The following RECK variants were observed in gnomAD, a reference collection of about 807,000 sequenced individuals.
RECK encodes the protein reversion inducing cysteine rich protein with kazal motifs.
Under a neutral mutation model 115.1 loss-of-function variants are expected in RECK, and 69 were observed. That is an observed-to-expected ratio of 0.60 (90% CI 0.49 to 0.73). The LOEUF is 0.73. Ranked by LOEUF, RECK falls within the 30% of genes least tolerant of loss-of-function variation. RECK has a pLI of 0.00. For missense variants in RECK, 1,047 were observed against 1,203.7 expected, an observed-to-expected ratio of 0.87 and a Z score of 1.93; for synonymous variants, 414 against 419.7, an observed-to-expected ratio of 0.99 and a Z score of 0.17.
chr9:36,059,364 G>A (rs1305953780), intron 3 of RECK, among the ~76,000 whole-genome samples: 1 of 151,828 alleles, frequency 6.6e-6, no homozygotes, highest in Non-Finnish European at 1.5e-5. Flanking sequence ...GCTGAGGCAG[G>A]AGAATTGCTT....
At chr9:36,093,511 A>T (rs912454324) in intron 10 of RECK, among the ~76,000 whole-genome samples, 3 of 152,226 alleles carry the variant, frequency 2.0e-5, no homozygotes, top group African/African-American at 7.2e-5. Context: ...GAAATGCAAT[A>T]TCTAAAATAA....
chr9:36,102,025 A>T, intron 11 of RECK, 69 bp from the exon 12 acceptor site: 1 of 1,448,394 alleles, frequency 6.9e-7, no homozygotes, highest in South Asian at 1.3e-5. Flanking sequence ...CTTCAGAAAC[A>T]AGTGATGTTG....
chr9:36,121,239 T>G lies in RECK; in HGVS notation c.2539-294T>G, dbSNP rs541203604. 2.6e-5 allele frequency among the ~76,000 whole-genome samples: 4 copies of G among 152,338 alleles called. No homozygotes were observed. The East Asian group carries it at 7.7e-4, about 29-fold the overall frequency. On this transcript the variant is annotated intron_variant, in intron 19 of 20. Transcript: ENST00000377966. ...ACCTAGAGATTTAGCCCCATTTTGATTACAAACACCTGTATTTTTAAAAAC... is the reference window on the plus strand; with the variant it reads ...ACCTAGAGATTTAGCCCCATTTTGAGTACAAACACCTGTATTTTTAAAAAC...
At chr9:36,079,087 G>T (rs1366871266) in intron 6 of RECK, among the ~76,000 whole-genome samples, 1 of 151,988 alleles carries the variant, frequency 6.6e-6, no homozygotes, top group Non-Finnish European at 1.5e-5. Context: ...TAGAGACAGG[G>T]TTTCTCCATG....
chr9:36,095,026 T>C (rs1823285857), intron 10 of RECK, among the ~76,000 whole-genome samples: 1 of 152,194 alleles, frequency 6.6e-6, no homozygotes, highest in Non-Finnish European at 1.5e-5. Context: ...AAAAATAAAC[T>C]ATATTGAAAT....
Position 36,083,418 on chromosome 9 carries a change from T to C in RECK, c.493T>C (p.Cys165Arg). The C allele has an allele frequency of 6.2e-7, 1 of 1,614,106 alleles. No homozygotes were observed. Among genetic ancestry groups the C allele is most frequent in the Non-Finnish European group, 8.5e-7 (1 of 1,179,970 alleles). The change falls in exon 8 of 21, where the codon TGT (cysteine) becomes CGT (arginine). Residue 165 changes from cysteine (C) to arginine (R), a missense_variant. Physicochemically the swap from Cys to Arg is radical, Grantham distance 180 (BLOSUM62 -3). Coordinates refer to ENST00000377966, the MANE Select transcript of RECK (RefSeq NM_021111.3). ...TCATCACACAAACTGCCGAGAATAC[T>C]GTCAAGCCATTTTTCGAACAGACTC... ...AGHHTNCREY[C>R]QAIFRTDSSP...
chr9:36,115,021 ATAAT>A (rs1384125233), intron 16 of RECK, among the ~76,000 whole-genome samples: 6 of 152,246 alleles, frequency 3.9e-5, no homozygotes, highest in Admixed American at 2.0e-4. Context: ...TGTTCAAAAA[ATAAT>A]TAATTGTGGC....
rs113301173 is a variant in RECK, at chr9:36,100,901, A to G, written c.1298+358A>G. ...ACCTCTGATGCACAATTCTATTTTT[A>G]TATGTTAATTTATGGACTTGTCTTA... On this transcript the variant is annotated intron_variant, in intron 11 of 20. Transcript: ENST00000377966. Among the ~76,000 whole-genome samples the G allele has an allele frequency of 4.6e-3, 695 of 151,932 alleles. 3 individuals are homozygous for G. Among genetic ancestry groups the G allele is most frequent in the African/African-American group, 0.015 (631 of 41,430 alleles).
At chr9:36,047,688 G>C (rs1188882297) in intron 1 of RECK, among the ~76,000 whole-genome samples, 1 of 151,772 alleles carries the variant, frequency 6.6e-6, no homozygotes, top group Non-Finnish European at 1.5e-5. Flanking sequence ...TACAATCAAG[G>C]CACCTTTTTT....
chr9:36,060,260 C>T (rs1821702080), intron 4 of RECK, 105 bp downstream of exon 4: 1 of 1,115,234 alleles, frequency 9.0e-7, no homozygotes, highest in African/African-American at 1.6e-5. Flanking sequence ...TCTGGAGTTT[C>T]TATCCTCTCC....
chr9:36,123,010 G>A lies in RECK; in HGVS notation c.2881G>A (p.Gly961Ser), dbSNP rs766308654. The change falls in exon 21 of 21, where the codon GGC (glycine) becomes AGC (serine). Residue 961 changes from glycine (G) to serine (S), a missense_variant. By Grantham distance (56) the Gly-to-Ser change is moderately conservative (BLOSUM62 0). Transcript: ENST00000377966. ...CHSLLLPLSL[G>S]LALHLLWTYN ...CTCCCTCCTCCTTCCCCTCAGCTTG[G>A]GCCTTGCCTTGCACTTGCTCTGGAC... 1.4e-5 allele frequency: 22 copies of A among 1,613,992 alleles called. No homozygotes were observed. The South Asian group carries it at 2.4e-4, about 18-fold the overall frequency.
intron 1 of RECK, among the ~76,000 whole-genome samples, chr9:36,042,893 C>T (rs1564095960): frequency 6.6e-6 from 1 of 151,326 alleles, no homozygotes; most frequent in Non-Finnish European, 1.5e-5. Context: ...GGTGGTATTG[C>T]ATTGTGGTTT....
intron 1 of RECK, among the ~76,000 whole-genome samples, chr9:36,048,126 A>AATATATATTTATATATATAT (rs1821140441): frequency 8.7e-6 from 1 of 115,406 alleles, no homozygotes; most frequent in African/African-American, 4.3e-5. Context: ...ACACAGGTTG[A>AATATATATTTATATATATAT]ATATATATAT....
intron 9 of RECK, among the ~76,000 whole-genome samples, chr9:36,088,396 A>G (rs1299628074): frequency 6.6e-6 from 1 of 152,202 alleles, no homozygotes; most frequent in East Asian, 1.9e-4. Flanking sequence ...AGGTGGTAGC[A>G]TATTGGCATT....
At chr9:36,109,807 G>A (rs1350741419) in intron 14 of RECK, 150 bp from the exon 15 acceptor site, 15 of 724,966 alleles carry the variant, frequency 2.1e-5, no homozygotes, top group Non-Finnish European at 3.2e-5. Flanking sequence ...TCACGCCAGT[G>A]CACTCCAGCC....
At chr9:36,100,652 C>A in intron 11 of RECK, 109 bp downstream of exon 11, 1 of 766,802 alleles carries the variant, frequency 1.3e-6, no homozygotes, top group Non-Finnish European at 2.1e-6. Flanking sequence ...CTTTGCCTAT[C>A]ACCCCCGTAT....
At chr9:36,115,499 C>T (rs1824226385) in intron 16 of RECK, among the ~76,000 whole-genome samples, 1 of 151,946 alleles carries the variant, frequency 6.6e-6, no homozygotes. Context: ...TTATGATCCT[C>T]TTATTTCCAT....
In RECK at chr9:36,087,776, G is replaced by A; in HGVS notation, c.720G>A (p.Met240Ile). The A allele has an allele frequency of 6.2e-7, 1 of 1,614,000 alleles. No homozygotes were observed. Among genetic ancestry groups the A allele is most frequent in the Non-Finnish European group, 8.5e-7 (1 of 1,179,922 alleles). Reference protein sequence around the residue: ...KRILMSKKTEMEIVDGLIEGC... With the variant: ...KRILMSKKTEIEIVDGLIEGC... The stretch of plus-strand genomic sequence containing the variant: ...TCCTGATGTCCAAGAAAACGGAAAT[G>A]GAGATTGTTGATGGTCTCATCGAGG... The change falls in exon 9 of 21, where the codon ATG (methionine) becomes ATA (isoleucine). Residue 240 changes from methionine (M) to isoleucine (I), a missense_variant. Met to Ile is a conservative substitution (Grantham distance 10). Coordinates refer to ENST00000377966, the MANE Select transcript of RECK (RefSeq NM_021111.3).
intron 13 of RECK, among the ~76,000 whole-genome samples, chr9:36,106,209 CAAAA>C (rs76229325): frequency 1.8e-5 from 1 of 54,804 alleles, no homozygotes; most frequent in Admixed American, 2.1e-4. Context: ...GACTCCGTCT[CAAAA>C]AAAAAAAAAA....
Sources: allele counts gnomAD v4.1 joint callset (sites outside exome capture counted in the v4.1 genomes callset), GRCh38; gene constraint gnomAD v4.1.1; transcripts MANE v1.5; gene names NCBI Gene and HGNC (gene_info 2026-07-23, HGNC 2026-07-21).